SEL1L3: variants seen among roughly 807,000 people sequenced by gnomAD.
SEL1L3 encodes the protein protein sel-1 homolog 3.
Under a neutral mutation model 142.8 loss-of-function variants are expected in SEL1L3, and 76 were observed. That is an observed-to-expected ratio of 0.53 (90% CI 0.44 to 0.64). The LOEUF is 0.64. Ranked by LOEUF, SEL1L3 falls within the 30% of genes least tolerant of loss-of-function variation. The pLI, the probability that SEL1L3 is intolerant of heterozygous loss-of-function variation, is 0.00. For missense variants in SEL1L3, 1,262 were observed against 1,381.7 expected (o/e 0.91, Z 1.37); for synonymous variants, 504 against 519.6 (o/e 0.97, Z 0.41).
At chr4:25,855,745 A>G (rs1717215655) in intron 1 of SEL1L3, among the ~76,000 whole-genome samples, 1 of 151,986 alleles carries the variant, frequency 6.6e-6, no homozygotes, top group Non-Finnish European at 1.5e-5. Context: ...TGGACAACAG[A>G]GCGAGATTCC....
rs972871392 is a variant in SEL1L3, at chr4:25,862,773, C to T, written c.64G>A (p.Ala22Thr). The stretch of plus-strand genomic sequence containing the variant: ...ATGGCTGCGGCCCGGGGGCCGACCG[C>T]GAGCGGCGGGGGTTGCTGCTGCTGC... ...RQQQQQPPPL[A>T]VGPRAAAMVP... is the part of the protein sequence containing the mutation. The change falls in exon 1 of 24, where the codon GCG becomes ACG. Residue 22 changes from alanine (A) to threonine (T), a missense_variant. Physicochemically the swap from Ala to Thr is moderately conservative, Grantham distance 58. This residue lies in a region of SEL1L3 where 689 missense variants were observed against 692.8 expected (regional missense o/e 0.99). Transcript: ENST00000399878. The T allele has an allele frequency of 8.3e-7, 1 of 1,200,236 alleles. No homozygotes were observed. The allele number at this position is 1,200,236 out of a possible 1,614,324, so 74.3% of individuals were successfully genotyped here.
At chr4:25,818,688 C>T (rs1482044976) in intron 8 of SEL1L3, among the ~76,000 whole-genome samples, 1 of 152,144 alleles carries the variant, frequency 6.6e-6, no homozygotes, top group Admixed American at 6.5e-5. Flanking sequence ...CCTTCTATCT[C>T]AGGGTATGTC....
chr4:25,835,461 G>GC, intron 2 of SEL1L3, 138 bp from the exon 3 acceptor site: 1 of 905,564 alleles, frequency 1.1e-6, no homozygotes, highest in Non-Finnish European at 1.7e-6. Context: ...GCAAACATCT[G>GC]TTGAATAAAT....
intron 20 of SEL1L3, chr4:25,759,428 A>T (rs943226320): frequency 1.1e-5 from 2 of 182,380 alleles, no homozygotes; most frequent in African/African-American, 4.7e-5. Context: ...TTGCCTACAG[A>T]CTATGCCCTC....
intron 6 of SEL1L3, among the ~76,000 whole-genome samples, chr4:25,829,535 G>A (rs9993581): frequency 6.6e-6 from 1 of 152,046 alleles, no homozygotes; most frequent in Non-Finnish European, 1.5e-5. Flanking sequence ...TAAAACCCAC[G>A]ATTATACGTG....
intron 13 of SEL1L3, among the ~76,000 whole-genome samples, chr4:25,786,001 A>G (rs1711797517): frequency 6.6e-6 from 1 of 152,226 alleles, no homozygotes; most frequent in African/African-American, 2.4e-5. Flanking sequence ...TGTACTCTAC[A>G]CGAATCTGAG....
intron 20 of SEL1L3, among the ~76,000 whole-genome samples, chr4:25,765,102 C>T (rs1718623503): frequency 6.6e-6 from 1 of 152,146 alleles, no homozygotes; most frequent in Admixed American, 6.5e-5. Context: ...TCAAGCAATC[C>T]TCCTGCTTCA....
At position 25,784,216 on chromosome 4, in the gene SEL1L3, T is replaced by C; in HGVS notation, c.2280+12A>G. On this transcript the variant is annotated intron_variant, in intron 14 of 23. Transcript: ENST00000399878. Reference sequence around the variant, plus strand: ...GTGGAACTGTTTCCCTCTGACAATATGCATGTGTTACCTTGGAAGCTGCTT... The same window carrying C: ...GTGGAACTGTTTCCCTCTGACAATACGCATGTGTTACCTTGGAAGCTGCTT... 6 of 1,607,170 alleles carry C rather than the reference T, an allele frequency of 3.7e-6. No individual in the cohort carries two copies. The highest frequency in any genetic ancestry group is 5.1e-6 in the Non-Finnish European group (6 of 1,173,690).
chr4:25,722,506 C>CT, the SEL1L3 span, among the ~76,000 whole-genome samples: 1 of 152,088 alleles, frequency 6.6e-6, no homozygotes, highest in African/African-American at 2.4e-5. Context: ...ATGTTGTGAG[C>CT]TGCGCAAAGT....
intron 6 of SEL1L3, among the ~76,000 whole-genome samples, chr4:25,828,121 G>C (rs1715208078): frequency 6.6e-6 from 1 of 152,004 alleles, no homozygotes; most frequent in African/African-American, 2.4e-5. Context: ...CTAGGCCTCA[G>C]CCGCTATGTT....
the SEL1L3 span, among the ~76,000 whole-genome samples, chr4:25,739,512 C>T: frequency 6.4e-4 from 98 of 152,070 alleles, 1 homozygote; most frequent in African/African-American, 2.3e-3. Flanking sequence ...CGAGACCATC[C>T]TGGCCAACAT....
chr4:25,731,051 G>A, the SEL1L3 span, among the ~76,000 whole-genome samples: 10,718 of 152,136 alleles, frequency 0.07, 771 homozygotes, highest in African/African-American at 0.18. Context: ...ATAAAGTCAG[G>A]TAACAGATCT....
chr4:25,786,136 T>C (rs1711807868), intron 13 of SEL1L3, among the ~76,000 whole-genome samples: 1 of 152,184 alleles, frequency 6.6e-6, no homozygotes, highest in South Asian at 2.1e-4. Flanking sequence ...TTTATCCTCA[T>C]GTGGCTGCAA....
chr4:25,842,472 C>A (rs895077270), intron 2 of SEL1L3, among the ~76,000 whole-genome samples: 2 of 152,202 alleles, frequency 1.3e-5, no homozygotes, highest in African/African-American at 4.8e-5. Flanking sequence ...AAGACTTAAA[C>A]CACAAAGGGG....
chr4:25,809,770 T>A (rs181113020), intron 9 of SEL1L3, among the ~76,000 whole-genome samples: 2 of 152,192 alleles, frequency 1.3e-5, no homozygotes, highest in Non-Finnish European at 2.9e-5. Flanking sequence ...TATGCTTTTT[T>A]AAAAAAGGTA....
intron 11 of SEL1L3, 32 bp from the exon 12 acceptor site, chr4:25,790,606 G>A: frequency 9.1e-7 from 1 of 1,104,830 alleles, no homozygotes; most frequent in Non-Finnish European, 1.3e-6. Context: ...AAGGAAGGAG[G>A]GAAAGAAGGA....
chr4:25,818,341 A>T, intron 8 of SEL1L3, 63 bp from the exon 9 acceptor site: 1 of 1,390,268 alleles, frequency 7.2e-7, no homozygotes, highest in Non-Finnish European at 9.6e-7. Context: ...TCACCTCCCT[A>T]AAGCCCTTCT....
rs1396307144 is a variant in SEL1L3, at chr4:25,788,195, A to G, written c.2217+29T>C. On this transcript the variant is annotated intron_variant, in intron 13 of 23. Transcript: ENST00000399878. The surrounding 1 kb of genome is among the most constrained non-coding windows in gnomAD (Gnocchi z 5.3). ...CTCAGGAGTCTGATAAGAATTGCAC[A>G]ATTTCAGCACGAATTAAGTGATTCT... 1 of 1,609,960 alleles carries G rather than the reference A, an allele frequency of 6.2e-7. No individual in the cohort carries two copies. Among genetic ancestry groups the G allele is most frequent in the Admixed American group, 1.7e-5 (1 of 59,950 alleles).
intron 7 of SEL1L3, among the ~76,000 whole-genome samples, chr4:25,821,576 G>A (rs1274069582): frequency 1.2e-4 from 19 of 152,228 alleles, no homozygotes; most frequent in Admixed American, 5.9e-4. Context: ...CTGAAGGCCT[G>A]TGTTTCTGAA....
Sources: gnomAD v4.1 joint callset for allele counts (sites outside exome capture counted in the v4.1 genomes callset) on GRCh38, gnomAD v4.1.1 for gene constraint, gnomAD v4.1.1 regional missense constraint, Gnocchi (gnomAD v3.1) non-coding constraint, MANE v1.5 for transcripts, NCBI Gene and HGNC (gene_info 2026-07-23, HGNC 2026-07-21) for gene names.